The following PIBF1 variants were observed in gnomAD, a reference collection of about 807,000 sequenced individuals.
PIBF1 encodes the protein progesterone immunomodulatory binding factor 1.
A neutral mutation model predicts 112.5 loss-of-function variants in PIBF1; 90 were observed. The observed-to-expected ratio is 0.80, with a 90% CI of 0.67 to 0.95. PIBF1 has a LOEUF of 0.95. Among genes scored for constraint, PIBF1 ranks in the 40% least tolerant of loss-of-function variants. PIBF1 has a pLI of 0.00. For synonymous variants in PIBF1, 301 were observed against 288.6 expected, an observed-to-expected ratio of 1.04 and a Z score of -0.44; for missense variants, 915 against 852.3, an observed-to-expected ratio of 1.07 and a Z score of -0.92.
chr13:72,922,637 G>A (rs1204479381), intron 13 of PIBF1, among the ~76,000 whole-genome samples: 1 of 152,084 alleles, frequency 6.6e-6, no homozygotes, highest in East Asian at 1.9e-4. Flanking sequence ...AAAGCTTTAA[G>A]TTAAAACTTT....
At chr13:72,919,735 A>G (rs1288136590) in intron 13 of PIBF1, among the ~76,000 whole-genome samples, 9 of 152,158 alleles carry the variant, frequency 5.9e-5, no homozygotes, top group Admixed American at 2.6e-4. Flanking sequence ...TGAGAGGCCA[A>G]TGCAGGCAAA....
intron 14 of PIBF1, among the ~76,000 whole-genome samples, chr13:72,949,817 A>G (rs1188078555): frequency 2.0e-5 from 3 of 152,078 alleles, no homozygotes; most frequent in Non-Finnish European, 4.4e-5. Flanking sequence ...ACTGTTTGCA[A>G]CCTATGTGTG....
At chr13:72,897,586 A>C (rs1480577122) in intron 11 of PIBF1, among the ~76,000 whole-genome samples, 1 of 152,202 alleles carries the variant, frequency 6.6e-6, no homozygotes, top group African/African-American at 2.4e-5. Flanking sequence ...CACCTAACAC[A>C]TAAGGACTCA....
intron 11 of PIBF1, among the ~76,000 whole-genome samples, chr13:72,901,416 C>T (rs996869081): frequency 3.6e-4 from 54 of 152,108 alleles, no homozygotes; most frequent in African/African-American, 3.9e-4. Context: ...AGGCTGGGCA[C>T]GGTGGCTCAC....
rs950350781 is a variant in PIBF1, at chr13:72,856,694, A to G, written c.1322+2539A>G. 1.3e-5 allele frequency among the ~76,000 whole-genome samples: 2 copies of G among 152,212 alleles called. 1 individual carries two copies. Among genetic ancestry groups the G allele is most frequent in the South Asian group, 4.1e-4 (2 of 4,834 alleles). ...AAGTTACTTATCTGTTTTTTAAGAT[A>G]TAATATCAATAAATGAAGGGAAAAG... On this transcript the variant is annotated intron_variant, in intron 10 of 17. Transcript: ENST00000326291.
intron 8 of PIBF1, among the ~76,000 whole-genome samples, chr13:72,833,421 C>T (rs796082990): frequency 1.6e-4 from 24 of 152,280 alleles, no homozygotes; most frequent in African/African-American, 5.8e-4. Context: ...TACCTTTGGT[C>T]TTTGATGTTG....
chr13:72,804,963 C>T (rs1359598008), intron 5 of PIBF1, among the ~76,000 whole-genome samples: 2 of 152,046 alleles, frequency 1.3e-5, no homozygotes, highest in African/African-American at 4.8e-5. Context: ...CTGCAACCAC[C>T]ATAAAGTTAC....
intron 16 of PIBF1, among the ~76,000 whole-genome samples, chr13:72,978,601 C>T (rs2043081711): frequency 6.6e-6 from 1 of 151,958 alleles, no homozygotes; most frequent in South Asian, 2.1e-4. Flanking sequence ...TCTTCATTGC[C>T]AGAAAACTCA....
chr13:72,927,960 C>CAT (rs1566457766), intron 13 of PIBF1, among the ~76,000 whole-genome samples: 4 of 112,264 alleles, frequency 3.6e-5, no homozygotes, highest in Non-Finnish European at 5.5e-5. Context: ...TATATATATA[C>CAT]ACATATATAT....
intron 12 of PIBF1, among the ~76,000 whole-genome samples, chr13:72,911,299 A>G (rs1282648531): frequency 6.6e-6 from 1 of 152,232 alleles, no homozygotes; most frequent in Non-Finnish European, 1.5e-5. Context: ...AGACAAATAC[A>G]GCAATGAAAC....
At chr13:72,876,424 G>T (rs1044823920) in intron 10 of PIBF1, among the ~76,000 whole-genome samples, 2 of 151,828 alleles carry the variant, frequency 1.3e-5, no homozygotes, top group Non-Finnish European at 1.5e-5. Context: ...TGGGTCTTTT[G>T]CCTGTCTATA....
chr13:72,920,716 G>C (rs1380324951), intron 13 of PIBF1, among the ~76,000 whole-genome samples: 1 of 151,994 alleles, frequency 6.6e-6, no homozygotes, highest in African/African-American at 2.4e-5. Flanking sequence ...GAGACCAGCA[G>C]TTTGAAGCTG....
At chr13:72,791,862 G>A (rs1271562357) in intron 2 of PIBF1, among the ~76,000 whole-genome samples, 3 of 151,318 alleles carry the variant, frequency 2.0e-5, no homozygotes, top group Non-Finnish European at 4.4e-5. Flanking sequence ...TTGAACTCCC[G>A]ACCTCAAGTT....
intron 9 of PIBF1, among the ~76,000 whole-genome samples, chr13:72,848,343 T>G (rs1464606527): frequency 6.6e-6 from 1 of 152,188 alleles, no homozygotes; most frequent in Non-Finnish European, 1.5e-5. Context: ...AAATTTATCA[T>G]CTAGTAGTAG....
chr13:72,986,183 A>G (rs2043283363), intron 16 of PIBF1, among the ~76,000 whole-genome samples: 1 of 151,666 alleles, frequency 6.6e-6, no homozygotes, highest in Non-Finnish European at 1.5e-5. Flanking sequence ...AAAAAGAAGG[A>G]AAAAAAAATT....
At chr13:72,870,766 TATAAG>T (rs1300518452) in intron 10 of PIBF1, among the ~76,000 whole-genome samples, 2 of 148,214 alleles carry the variant, frequency 1.3e-5, no homozygotes, top group African/African-American at 2.5e-5. Flanking sequence ...GACATGCAGA[TATAAG>T]AGAAGACTAT....
intron 16 of PIBF1, among the ~76,000 whole-genome samples, chr13:72,996,960 T>G (rs2043694645): frequency 6.6e-6 from 1 of 152,224 alleles, no homozygotes. Context: ...TTGCCTGGAT[T>G]TCAGAAACTG....
intron 17 of PIBF1, among the ~76,000 whole-genome samples, 193 bp from the exon 18 acceptor site, chr13:73,015,676 A>G (rs962429236): frequency 6.6e-6 from 1 of 152,310 alleles, no homozygotes; most frequent in East Asian, 1.9e-4. Context: ...TTTCTATCAT[A>G]TACCTACCAG....
At chr13:72,805,076 C>T (rs2035657440) in intron 5 of PIBF1, among the ~76,000 whole-genome samples, 2 of 152,190 alleles carry the variant, frequency 1.3e-5, no homozygotes, top group Admixed American at 6.5e-5. Flanking sequence ...CGGGTTCAAG[C>T]GATTCTCCTG....
Sources: allele counts gnomAD v4.1 joint callset (sites outside exome capture counted in the v4.1 genomes callset), GRCh38; gene constraint gnomAD v4.1.1; transcripts MANE v1.5; gene names NCBI Gene and HGNC (gene_info 2026-07-23, HGNC 2026-07-21).